GABRB1: variants seen among roughly 807,000 people sequenced by gnomAD.
GABRB1 encodes the protein gamma-aminobutyric acid type A receptor subunit beta1.
A neutral mutation model predicts 51.6 loss-of-function variants in GABRB1; 17 were observed. The ratio of observed to expected loss-of-function variants is 0.33; its 90% CI spans 0.23 to 0.49. GABRB1 has a LOEUF of 0.49. Ranked by LOEUF, GABRB1 falls within the 20% of genes least tolerant of loss-of-function variation. The pLI is 0.99. For synonymous variants in GABRB1, 247 were observed against 218.9 expected (o/e 1.13, Z -1.14); for missense variants, 410 against 600.6 (o/e 0.68, Z 3.32).
chr4:47,301,165 C>T (rs886911253), intron 4 of GABRB1, among the ~76,000 whole-genome samples: 2 of 152,042 alleles, frequency 1.3e-5, no homozygotes, highest in African/African-American at 2.4e-5. Flanking sequence ...TTTCTAGGAA[C>T]CAAAAAGACA....
intron 3 of GABRB1, among the ~76,000 whole-genome samples, chr4:47,047,826 A>G (rs1726163662): frequency 6.6e-6 from 1 of 152,130 alleles, no homozygotes; most frequent in African/African-American, 2.4e-5. Context: ...GGAAGAGATA[A>G]TGGATTTGTC....
intron 3 of GABRB1, among the ~76,000 whole-genome samples, chr4:47,102,035 A>G (rs957138500): frequency 6.6e-6 from 1 of 152,040 alleles, no homozygotes; most frequent in Non-Finnish European, 1.5e-5. Flanking sequence ...TAATTAGAAG[A>G]GAACCTGGTT....
intron 4 of GABRB1, among the ~76,000 whole-genome samples, chr4:47,267,556 A>G (rs1190907015): frequency 1.3e-5 from 2 of 152,178 alleles, no homozygotes; most frequent in Non-Finnish European, 1.5e-5. Context: ...GCACCTTGTG[A>G]GGCCGAGGCA....
At chr4:47,201,884 T>G (rs993471561) in intron 4 of GABRB1, among the ~76,000 whole-genome samples, 1 of 152,182 alleles carries the variant, frequency 6.6e-6, no homozygotes, top group African/African-American at 2.4e-5. Flanking sequence ...AAGCACATGC[T>G]GCTTTGCTTT....
At chr4:47,297,179 C>A (rs547626393) in intron 4 of GABRB1, among the ~76,000 whole-genome samples, 2 of 151,378 alleles carry the variant, frequency 1.3e-5, no homozygotes, top group Non-Finnish European at 2.9e-5. Flanking sequence ...AATTGACACC[C>A]TAACATCACA....
chr4:47,225,744 T>G (rs1720924917), intron 4 of GABRB1, among the ~76,000 whole-genome samples: 1 of 152,174 alleles, frequency 6.6e-6, no homozygotes, highest in Admixed American at 6.5e-5. Flanking sequence ...TCATTGCCTT[T>G]TTAAATTCTG....
At chr4:47,047,952 G>A (rs1008753617) in intron 3 of GABRB1, among the ~76,000 whole-genome samples, 1 of 152,104 alleles carries the variant, frequency 6.6e-6, no homozygotes, top group African/African-American at 2.4e-5. Context: ...AACAGTAGTT[G>A]GGAAGTGTAC....
rs550848210 is a variant in GABRB1 at position 47,296,359 on chromosome 4, A to C, written c.462-23768A>C. Among the ~76,000 whole-genome samples, 11 of 152,324 alleles carry C rather than the reference A, an allele frequency of 7.2e-5. 1 individual carries two copies. In the South Asian group the frequency reaches 2.3e-3, roughly 32 times the overall value. ...ACCCATCAGTGTGCTGTATTCAGGA[A>C]ACCCATCTCACATGCAGAGACACAC... On this transcript the variant is annotated intron_variant, in intron 4 of 8. Coordinates refer to ENST00000295454, the MANE Select transcript of GABRB1 (RefSeq NM_000812.4).
intron 5 of GABRB1, among the ~76,000 whole-genome samples, chr4:47,322,607 A>G (rs1725123222): frequency 6.6e-6 from 1 of 152,250 alleles, no homozygotes; most frequent in South Asian, 2.1e-4. Flanking sequence ...TAAGAATTCA[A>G]GCCCAAGTGT....
At chr4:47,341,113 T>C (rs1055197460) in intron 5 of GABRB1, among the ~76,000 whole-genome samples, 15 of 152,234 alleles carry the variant, frequency 9.9e-5, no homozygotes, top group African/African-American at 3.6e-4. Context: ...ACCTGCATAT[T>C]GATAGGGCTT....
chr4:47,324,529 A>G (rs1725184543), intron 5 of GABRB1, among the ~76,000 whole-genome samples: 1 of 152,134 alleles, frequency 6.6e-6, no homozygotes, highest in Non-Finnish European at 1.5e-5. Context: ...TGAAAGGATA[A>G]TCTATATCTG....
chr4:47,031,492 G>T (rs1725293715), upstream of GABRB1: 1 of 635,410 alleles, frequency 1.6e-6, no homozygotes, highest in Non-Finnish European at 2.8e-6. Flanking sequence ...TCTGTTGCCT[G>T]TTCCACTAGG....
chr4:47,255,660 A>G (rs992048024), intron 4 of GABRB1, among the ~76,000 whole-genome samples: 17 of 152,236 alleles, frequency 1.1e-4, no homozygotes, highest in African/African-American at 4.1e-4. Context: ...GGGCTTCTAA[A>G]CTTGAGTGTG....
chr4:47,042,435 T>A (rs1725892924), intron 3 of GABRB1, among the ~76,000 whole-genome samples: 2 of 144,768 alleles, frequency 1.4e-5, no homozygotes, highest in Admixed American at 1.4e-4. Flanking sequence ...TATATATATA[T>A]ATATAAAATA....
At chr4:47,032,637 G>C (rs1477493583) in intron 3 of GABRB1, 153 bp downstream of exon 3, 2 of 753,546 alleles carry the variant, frequency 2.7e-6, no homozygotes, top group African/African-American at 3.4e-5. Flanking sequence ...CACACACCCG[G>C]TCGCCCCTGG....
intron 5 of GABRB1, among the ~76,000 whole-genome samples, chr4:47,387,200 C>T (rs1178168579): frequency 1.3e-5 from 2 of 152,202 alleles, no homozygotes; most frequent in African/African-American, 4.8e-5. Flanking sequence ...CACAGTGACT[C>T]ATGACTGTAA....
At chr4:47,369,796 T>C (rs768042625) in intron 5 of GABRB1, among the ~76,000 whole-genome samples, 2 of 152,036 alleles carry the variant, frequency 1.3e-5, no homozygotes, top group Non-Finnish European at 2.9e-5. Context: ...ACCATGAAAA[T>C]ATAATGAACA....
intron 5 of GABRB1, among the ~76,000 whole-genome samples, chr4:47,333,662 C>T (rs942867692): frequency 7.2e-5 from 11 of 152,096 alleles, no homozygotes; most frequent in Non-Finnish European, 1.5e-4. Flanking sequence ...TTGCAGTGAG[C>T]CAAAATCGTG....
intron 1 of GABRB1, among the ~76,000 whole-genome samples, chr4:47,000,448 T>A (rs1724144899): frequency 6.6e-6 from 1 of 152,246 alleles, no homozygotes; most frequent in African/African-American, 2.4e-5. Flanking sequence ...TTTATATTCA[T>A]CTTCTTTTGT....
Sources: allele counts gnomAD v4.1 joint callset (sites outside exome capture counted in the v4.1 genomes callset), GRCh38; gene constraint gnomAD v4.1.1; transcripts MANE v1.5; gene names NCBI Gene and HGNC (gene_info 2026-07-23, HGNC 2026-07-21).